PCDH9: variants seen among roughly 807,000 people sequenced by gnomAD.
The protein encoded by PCDH9 is protocadherin 9, also known as protocadherin-9.
Under a neutral mutation model 70.6 loss-of-function variants are expected in PCDH9, and 24 were observed. The ratio of observed to expected loss-of-function variants is 0.34; its 90% confidence interval spans 0.25 to 0.48. The LOEUF (loss-of-function observed/expected upper bound fraction) is 0.48, where lower values mean the gene tolerates loss of function less well. PCDH9 is among the 20% of genes least tolerant of loss of function. The probability of loss-of-function intolerance (pLI) is 0.99; values close to 1 mark genes in which losing one functional copy is unlikely to be tolerated. For synonymous variants in PCDH9, 562 were observed against 558.5 expected (o/e 1.01, Z -0.09); for missense variants, 1,281 against 1,503.6 (o/e 0.85, Z 2.45).
chr13:67,159,667 C>G (rs907347193), intron 2 of PCDH9, among the ~76,000 whole-genome samples: 6 of 152,170 alleles, frequency 3.9e-5, no homozygotes, highest in African/African-American at 1.4e-4. Context: ...AATTACTAAA[C>G]AGGCAGGTGG....
At chr13:66,822,362 T>C (rs1427234839) in intron 3 of PCDH9, among the ~76,000 whole-genome samples, 2 of 152,078 alleles carry the variant, frequency 1.3e-5, no homozygotes, top group African/African-American at 4.8e-5. Flanking sequence ...GGATTACCAA[T>C]ATTGATACCA....
At chr13:66,309,066 T>C (rs951043155) in intron 4 of PCDH9, among the ~76,000 whole-genome samples, 2 of 152,074 alleles carry the variant, frequency 1.3e-5, no homozygotes, top group Admixed American at 1.3e-4. Flanking sequence ...GGTGTATGTA[T>C]TTATGGGGTA....
At chr13:67,147,517 C>T (rs1348428529) in intron 2 of PCDH9, among the ~76,000 whole-genome samples, 1 of 152,132 alleles carries the variant, frequency 6.6e-6, no homozygotes, top group South Asian at 2.1e-4. Flanking sequence ...TGGAGAGAGT[C>T]TACGCTTGCC....
chr13:66,736,625 G>A (rs1288136554), intron 3 of PCDH9, among the ~76,000 whole-genome samples: 4 of 152,178 alleles, frequency 2.6e-5, no homozygotes, highest in East Asian at 1.9e-4. Context: ...TTTTCAGGGT[G>A]ATACTTAATT....
chr13:66,816,711 A>G (rs116624289), intron 3 of PCDH9, among the ~76,000 whole-genome samples: 3,017 of 152,234 alleles, frequency 0.02, 120 homozygotes, highest in African/African-American at 0.067. Context: ...TCACGAGGTC[A>G]AGAGTTCGAG....
At chr13:66,754,314 C>T (rs751292793) in intron 3 of PCDH9, among the ~76,000 whole-genome samples, 1 of 151,962 alleles carries the variant, frequency 6.6e-6, no homozygotes, top group South Asian at 2.1e-4. Context: ...CACCATGGCA[C>T]ATGTATACCT....
chr13:66,624,470 T>G (rs1472672665), intron 4 of PCDH9, among the ~76,000 whole-genome samples: 1 of 152,222 alleles, frequency 6.6e-6, no homozygotes, highest in Non-Finnish European at 1.5e-5. Flanking sequence ...CTCTAGGTCT[T>G]GGATATACTT....
chr13:66,326,873 T>TTAAAAAA lies in PCDH9; in HGVS notation c.3341-21846_3341-21845insTTTTTTA, dbSNP rs1261159087. 7.3e-3 allele frequency among the ~76,000 whole-genome samples: 1,114 copies of TTAAAAAA among 152,272 alleles called. 8 individuals carry two copies. The highest frequency in any genetic ancestry group is 0.025 in the African/African-American group (1,043 of 41,520). On this transcript the variant is annotated intron_variant, in intron 4 of 4. Transcript: ENST00000377865. The stretch of plus-strand genomic sequence containing the variant: ...TAAACATACAAAACAAAATGCCTCT[T>TTAAAAAA]CTTCCCCACCCAACTTAAGCACAAT...
chr13:66,911,565 G>T (rs2082467043), intron 2 of PCDH9, among the ~76,000 whole-genome samples: 2 of 152,112 alleles, frequency 1.3e-5, no homozygotes, highest in African/African-American at 4.8e-5. Context: ...TAACCCAGTT[G>T]CTATGAGCAC....
intron 2 of PCDH9, among the ~76,000 whole-genome samples, chr13:66,911,115 T>C (rs1353148705): frequency 1.3e-5 from 2 of 152,218 alleles, no homozygotes; most frequent in Non-Finnish European, 2.9e-5. Flanking sequence ...TAGTTTTTTG[T>C]ATTCTTATAG....
At chr13:66,890,448 CTTTTT>C (rs36076373) in intron 3 of PCDH9, among the ~76,000 whole-genome samples, 3 of 100,560 alleles carry the variant, frequency 3.0e-5, no homozygotes, top group Non-Finnish European at 2.0e-5. Context: ...GACTTCTGAA[CTTTTT>C]TTTTTTTTTT....
chr13:67,086,548 T>G (rs897182686), intron 2 of PCDH9, among the ~76,000 whole-genome samples: 1 of 152,128 alleles, frequency 6.6e-6, no homozygotes, highest in African/African-American at 2.4e-5. Context: ...AAGATGAAAG[T>G]GCAACCAGGA....
intron 3 of PCDH9, among the ~76,000 whole-genome samples, chr13:66,679,268 T>G (rs2078285833): frequency 6.6e-6 from 1 of 151,760 alleles, no homozygotes; most frequent in Non-Finnish European, 1.5e-5. Flanking sequence ...TACAAGATGA[T>G]TATATCATAA....
chr13:66,672,534 T>G (rs1229758163), intron 3 of PCDH9, among the ~76,000 whole-genome samples: 1 of 152,188 alleles, frequency 6.6e-6, no homozygotes, highest in Non-Finnish European at 1.5e-5. Context: ...CACTGTCTAA[T>G]GGACCTGTGA....
intron 2 of PCDH9, among the ~76,000 whole-genome samples, chr13:67,007,113 T>C (rs2084368734): frequency 6.6e-6 from 1 of 152,132 alleles, no homozygotes; most frequent in African/African-American, 2.4e-5. Flanking sequence ...TCTGAATTTT[T>C]TTTTTCTGGA....
At chr13:67,161,393 T>G (rs1395957539) in intron 2 of PCDH9, among the ~76,000 whole-genome samples, 1 of 152,196 alleles carries the variant, frequency 6.6e-6, no homozygotes, top group Non-Finnish European at 1.5e-5. Flanking sequence ...CCTGCTTTGC[T>G]GCTGTTCAGC....
rs907702195 is a variant in PCDH9 at position 66,363,083 on chromosome 13, G to T, written c.3341-58055C>A. ...AATCTCAGCTACTCAGGAGGCTGAG[G>T]CTTTAGAATCGCTTGAACCTAGGAG... is the stretch of plus-strand genomic sequence containing the variant. On this transcript the variant is annotated intron_variant, in intron 4 of 4. Transcript: ENST00000377865. Among the ~76,000 whole-genome samples the T allele has an allele frequency of 2.0e-5, 3 of 152,118 alleles. No individual in the cohort carries two copies. The South Asian group carries it at 6.2e-4, about 32-fold the overall frequency.
chr13:67,000,153 TA>T (rs1200055426), intron 2 of PCDH9, among the ~76,000 whole-genome samples: 3 of 152,148 alleles, frequency 2.0e-5, no homozygotes, highest in African/African-American at 7.2e-5. Flanking sequence ...TATGCAGCCA[TA>T]AAAAATGATG....
chr13:66,312,064 C>G (rs1370644382), intron 4 of PCDH9, among the ~76,000 whole-genome samples: 5 of 152,078 alleles, frequency 3.3e-5, no homozygotes, highest in Admixed American at 6.6e-5. Context: ...GACACAAGAT[C>G]ATTACAGATA....
Sources: allele counts gnomAD v4.1 joint callset (sites outside exome capture counted in the v4.1 genomes callset), GRCh38; gene constraint gnomAD v4.1.1; transcripts MANE v1.5; gene names NCBI Gene and HGNC (gene_info 2026-07-23, HGNC 2026-07-21).